The following NAAA variants were observed in gnomAD, a reference collection of about 807,000 sequenced individuals.
The protein encoded by NAAA is N-acylethanolamine acid amidase.
NAAA carries 39 observed loss-of-function variants against 44.8 expected under a neutral mutation model. The ratio of observed to expected loss-of-function variants is 0.87; its 90% confidence interval spans 0.67 to 1.14. The LOEUF (loss-of-function observed/expected upper bound fraction) is 1.14, where lower values mean the gene tolerates loss of function less well. NAAA is among the 50% of genes most tolerant of loss of function. NAAA has a pLI of 0.00. For synonymous variants in NAAA, 178 were observed against 191.3 expected (o/e 0.93, Z 0.58); for missense variants, 460 against 467.8 (o/e 0.98, Z 0.15).
At chr4:75,923,942 A>G (rs983534118) in intron 5 of NAAA, among the ~76,000 whole-genome samples, 7 of 152,238 alleles carry the variant, frequency 4.6e-5, no homozygotes, top group Admixed American at 3.9e-4. Context: ...GGGTGGGGGC[A>G]GACAGCTTTT....
intron 8 of NAAA, among the ~76,000 whole-genome samples, chr4:75,919,051 A>G (rs1192607183): frequency 1.6e-5 from 1 of 61,060 alleles, no homozygotes; most frequent in Non-Finnish European, 2.9e-5. Flanking sequence ...GGTGATATAG[A>G]CTTTTTTTTT....
At chr4:75,917,471 C>CT (rs953868047) in intron 9 of NAAA, 71 of 146,030 alleles carry the variant, frequency 4.9e-4, no homozygotes, top group Middle Eastern at 7.1e-3. Context: ...GTTTTCTTTT[C>CT]TTTTTTTTTT....
chr4:75,927,200 T>A (rs1453297501), intron 4 of NAAA, among the ~76,000 whole-genome samples: 2 of 152,124 alleles, frequency 1.3e-5, no homozygotes, highest in Non-Finnish European at 2.9e-5. Context: ...ATGCCTGTAA[T>A]CCCAGCACTT....
chr4:75,936,674 A>G (rs895891138), intron 2 of NAAA, among the ~76,000 whole-genome samples: 2 of 152,214 alleles, frequency 1.3e-5, no homozygotes, highest in Non-Finnish European at 2.9e-5. Context: ...ATAAAGTAAC[A>G]CTAAACCATT....
chr4:75,929,880 C>A (rs575144986), intron 4 of NAAA, among the ~76,000 whole-genome samples: 1 of 151,896 alleles, frequency 6.6e-6, no homozygotes, highest in South Asian at 2.1e-4. Flanking sequence ...ACCTGAGGTT[C>A]GGAGTTCGAG....
chr4:75,925,889 G>A, intron 4 of NAAA, 78 bp from the exon 5 acceptor site: 1 of 1,363,686 alleles, frequency 7.3e-7, no homozygotes, highest in South Asian at 1.2e-5. Context: ...ATTTTAGCAA[G>A]GAAATATAGA....
downstream of NAAA, among the ~76,000 whole-genome samples, chr4:75,912,294 C>T (rs1177213903): frequency 4.6e-5 from 7 of 151,830 alleles, no homozygotes; most frequent in East Asian, 1.4e-3. Context: ...GTGGCTCACG[C>T]CTGTAATCCC....
At chr4:75,936,883 C>T (rs576717559) in intron 2 of NAAA, among the ~76,000 whole-genome samples, 29 of 152,242 alleles carry the variant, frequency 1.9e-4, no homozygotes, top group South Asian at 6.2e-4. Context: ...GAATATTTAA[C>T]TGTACATGAA....
intron 5 of NAAA, among the ~76,000 whole-genome samples, chr4:75,921,834 G>C (rs927715689): frequency 2.0e-5 from 3 of 152,300 alleles, no homozygotes. Flanking sequence ...CGCTACATTA[G>C]CGCCCTGAGC....
intron 4 of NAAA, 50 bp from the exon 5 acceptor site, chr4:75,925,861 A>G: frequency 6.6e-7 from 1 of 1,520,872 alleles, no homozygotes; most frequent in Non-Finnish European, 9.1e-7. Context: ...ATATGTACAC[A>G]CATGAAACAG....
intron 5 of NAAA, among the ~76,000 whole-genome samples, chr4:75,923,449 T>G (rs1726362163): frequency 6.6e-6 from 1 of 152,096 alleles, no homozygotes; most frequent in Admixed American, 6.5e-5. Flanking sequence ...AGCTGGAAGC[T>G]TGCACGGGTG....
rs1725441557 is a variant in NAAA at position 75,913,944 on chromosome 4, T to C, written c.*431A>G. ...TTCTCCATTTCTTTCAGATGAGCCT[T>C]TTTTCTTAGGCTCTTTCAGAAGCAC... On this transcript the variant is annotated 3_prime_UTR_variant, in exon 11 of 11. Coordinates refer to ENST00000286733, the MANE Select transcript of NAAA (RefSeq NM_014435.4). The C allele has an allele frequency of 3.0e-6, 3 of 985,282 alleles. No homozygotes were observed. The highest frequency in any genetic ancestry group is 4.7e-5 in the South Asian group (1 of 21,294). The allele number at this position is 985,282 out of a possible 1,614,324, so 61.0% of individuals were successfully genotyped here.
intron 4 of NAAA, among the ~76,000 whole-genome samples, chr4:75,928,961 G>GTT (rs556368814): frequency 2.0e-3 from 287 of 143,510 alleles, no homozygotes; most frequent in African/African-American, 5.8e-3. Flanking sequence ...CTAAATTTGT[G>GTT]TTTTTTTTTT....
rs905236341 is a variant in NAAA at position 75,919,985 on chromosome 4, C to T, written c.903-10G>A. On this transcript the variant is annotated splice_polypyrimidine_tract_variant and intron_variant, in intron 7 of 10. Coordinates refer to ENST00000286733, the MANE Select transcript of NAAA (RefSeq NM_014435.4). ...CTTGATGGCAGATGTTCTGTAAGGA[C>T]AAAGGTCGAAGGTCACTTGGCATTT... 6.2e-7 allele frequency: 1 copy of T among 1,613,250 alleles called. No homozygotes were observed. Among genetic ancestry groups the T allele is most frequent in the Non-Finnish European group, 8.5e-7 (1 of 1,179,336 alleles).
At chr4:75,920,594 C>T (rs868797168) in intron 7 of NAAA, 144 bp downstream of exon 7, 31 of 966,298 alleles carry the variant, frequency 3.2e-5, no homozygotes, top group Admixed American at 4.2e-5. Context: ...ACTCCCTTCC[C>T]AGCCAAGGCA....
chr4:75,930,540 G>A, intron 4 of NAAA: 1 of 509,852 alleles, frequency 2.0e-6, no homozygotes, highest in Non-Finnish European at 3.9e-6. Flanking sequence ...TACAAATGTG[G>A]CTTGTATAAC....
At chr4:75,929,578 T>A (rs929602579) in intron 4 of NAAA, among the ~76,000 whole-genome samples, 6 of 152,250 alleles carry the variant, frequency 3.9e-5, no homozygotes, top group Admixed American at 2.6e-4. Flanking sequence ...CAGTCATTTT[T>A]AATAAATATA....
At chr4:75,921,322 C>T (rs933275165) in intron 5 of NAAA, among the ~76,000 whole-genome samples, 199 bp from the exon 6 acceptor site, 3 of 152,216 alleles carry the variant, frequency 2.0e-5, no homozygotes, top group Non-Finnish European at 4.4e-5. Flanking sequence ...CCAGGAGCAG[C>T]AGGAAATTCT....
chr4:75,926,928 C>T (rs1726757269), intron 4 of NAAA, among the ~76,000 whole-genome samples: 2 of 151,014 alleles, frequency 1.3e-5, no homozygotes, highest in African/African-American at 4.9e-5. Context: ...TGCTTGAGCG[C>T]TGTTGGTCAA....
Sources: allele counts gnomAD v4.1 joint callset (sites outside exome capture counted in the v4.1 genomes callset), GRCh38; gene constraint gnomAD v4.1.1; transcripts MANE v1.5; gene names NCBI Gene and HGNC (gene_info 2026-07-23, HGNC 2026-07-21).